Variants in SMYD3 observed in about 807,000 individuals in gnomAD.
The protein encoded by SMYD3 is SET and MYND domain containing 3, also known as histone-lysine N-methyltransferase SMYD3.
In SMYD3, 36 loss-of-function variants were observed where a neutral mutation model predicts 57.7. The ratio of observed to expected loss-of-function variants is 0.62; its 90% confidence interval spans 0.48 to 0.82. SMYD3 has a LOEUF of 0.82. Among genes scored for constraint, SMYD3 ranks in the 40% least tolerant of loss-of-function variants. The pLI is 0.00. For synonymous variants in SMYD3, 211 were observed against 195.0 expected (o/e 1.08, Z -0.68); for missense variants, 515 against 538.8 (o/e 0.96, Z 0.44).
chr1:246,208,597 C>T (rs898423269), intron 5 of SMYD3, among the ~76,000 whole-genome samples: 16 of 152,250 alleles, frequency 1.1e-4, no homozygotes, highest in East Asian at 3.9e-4. Flanking sequence ...TTAGGGCTAA[C>T]GGAAGCTACA....
At chr1:245,839,013 C>A (rs2050249915) in intron 10 of SMYD3, among the ~76,000 whole-genome samples, 1 of 152,150 alleles carries the variant, frequency 6.6e-6, no homozygotes, top group Non-Finnish European at 1.5e-5. Context: ...GCAGCACTAG[C>A]CCCTCTCAGG....
intron 5 of SMYD3, among the ~76,000 whole-genome samples, chr1:246,139,450 C>T (rs941290450): frequency 6.6e-6 from 1 of 152,154 alleles, no homozygotes; most frequent in Non-Finnish European, 1.5e-5. Context: ...AACACACTTT[C>T]ATTTCTCAAC....
At chr1:246,166,445 C>T (rs995429016) in intron 5 of SMYD3, among the ~76,000 whole-genome samples, 5 of 152,214 alleles carry the variant, frequency 3.3e-5, no homozygotes, top group Admixed American at 3.3e-4. Context: ...ACACCCTACT[C>T]ACTGTGTGAA....
chr1:245,994,246 C>T (rs1242000477), intron 5 of SMYD3, among the ~76,000 whole-genome samples: 1 of 152,204 alleles, frequency 6.6e-6, no homozygotes, highest in Admixed American at 6.5e-5. Flanking sequence ...ACACGAGGTG[C>T]TTCATAGCAT....
chr1:245,927,580 A>G (rs923761330), intron 7 of SMYD3, among the ~76,000 whole-genome samples: 2 of 152,142 alleles, frequency 1.3e-5, no homozygotes, highest in African/African-American at 4.8e-5. Context: ...CCACGGAAGG[A>G]TATGAGAGGC....
At chr1:245,865,860 G>T (rs1260693237) in intron 8 of SMYD3, among the ~76,000 whole-genome samples, 1 of 152,218 alleles carries the variant, frequency 6.6e-6, no homozygotes, top group African/African-American at 2.4e-5. Context: ...CTGCTTTCAG[G>T]TGGCTAGTCA....
At chr1:246,177,987 T>G in intron 5 of SMYD3, among the ~76,000 whole-genome samples, 1 of 152,328 alleles carries the variant, frequency 6.6e-6, no homozygotes, top group Middle Eastern at 3.4e-3. Flanking sequence ...GTGATGTTTA[T>G]AAAAATGGCA....
chr1:246,112,999 GT>G (rs1490463575), intron 5 of SMYD3, among the ~76,000 whole-genome samples: 1 of 152,016 alleles, frequency 6.6e-6, no homozygotes, highest in East Asian at 1.9e-4. Flanking sequence ...GGCCAACATG[GT>G]GAAACCCCAA....
chr1:246,263,678 AT>A (rs1462852403), intron 5 of SMYD3, among the ~76,000 whole-genome samples: 2 of 152,182 alleles, frequency 1.3e-5, no homozygotes, highest in Non-Finnish European at 2.9e-5. Flanking sequence ...AAAATTACTG[AT>A]TTCTTTTTGT....
At chr1:246,464,385 C>T (rs1291210439) in intron 1 of SMYD3, among the ~76,000 whole-genome samples, 1 of 152,070 alleles carries the variant, frequency 6.6e-6, no homozygotes, top group African/African-American at 2.4e-5. Flanking sequence ...GGAGTGGTGG[C>T]ATGTGCCTAT....
At chr1:246,224,066 GGTTCT>G (rs1474802785) in intron 5 of SMYD3, among the ~76,000 whole-genome samples, 1 of 152,004 alleles carries the variant, frequency 6.6e-6, no homozygotes, top group African/African-American at 2.4e-5. Flanking sequence ...TTTCTTTGGG[GGTTCT>G]GTTTTATCTT....
rs2064903427 is a variant in SMYD3, at chr1:246,302,284, G to A, written c.531+24917C>T. ...ACTCACAGAAGGAAAGCCTAGCAAT[G>A]GGGGGAGACCAGACCCTAATAATGT... On this transcript the variant is annotated intron_variant, in intron 5 of 11. Transcript: ENST00000490107. 2.6e-5 allele frequency among the ~76,000 whole-genome samples: 4 copies of A among 152,226 alleles called. No homozygotes were observed. In the South Asian group the frequency reaches 6.2e-4, roughly 24 times the overall value.
At chr1:246,328,705 T>A (rs1558404668) in intron 4 of SMYD3, among the ~76,000 whole-genome samples, 1 of 151,762 alleles carries the variant, frequency 6.6e-6, no homozygotes, top group Non-Finnish European at 1.5e-5. Context: ...TTATTATTAT[T>A]ATATTTTAAG....
intron 5 of SMYD3, among the ~76,000 whole-genome samples, chr1:246,304,261 C>G (rs923129600): frequency 5.9e-5 from 9 of 151,896 alleles, no homozygotes; most frequent in Non-Finnish European, 8.8e-5. Context: ...AGCACACGTA[C>G]AAAACAAATA....
intron 5 of SMYD3, among the ~76,000 whole-genome samples, chr1:246,161,916 T>A (rs1264431018): frequency 1.3e-5 from 2 of 152,134 alleles, no homozygotes; most frequent in Non-Finnish European, 2.9e-5. Flanking sequence ...CAGGCAATAG[T>A]GCATGTGTGT....
At chr1:246,233,096 G>A (rs1181887295) in intron 5 of SMYD3, among the ~76,000 whole-genome samples, 1 of 129,826 alleles carries the variant, frequency 7.7e-6, no homozygotes, top group Non-Finnish European at 1.6e-5. Flanking sequence ...CAGAGGAGAA[G>A]CACTCCTTCA....
intron 5 of SMYD3, among the ~76,000 whole-genome samples, chr1:245,934,288 C>T (rs918647747): frequency 1.4e-4 from 21 of 152,332 alleles, no homozygotes; most frequent in African/African-American, 5.1e-4. Flanking sequence ...AAACCAGAAG[C>T]AGAAGCTTTT....
At chr1:246,474,718 A>G (rs558864935) in intron 1 of SMYD3, among the ~76,000 whole-genome samples, 17 of 152,186 alleles carry the variant, frequency 1.1e-4, no homozygotes, top group African/African-American at 4.1e-4. Context: ...TCCAAGGTTT[A>G]TGGAAGGAAA....
chr1:246,479,881 G>T, intron 1 of SMYD3, among the ~76,000 whole-genome samples: 1 of 152,040 alleles, frequency 6.6e-6, no homozygotes, highest in African/African-American at 2.4e-5. Context: ...GGCACGTAAA[G>T]TCTCACATTA....
Sources: allele counts gnomAD v4.1 joint callset (sites outside exome capture counted in the v4.1 genomes callset), GRCh38; gene constraint gnomAD v4.1.1; transcripts MANE v1.5; gene names NCBI Gene and HGNC (gene_info 2026-07-23, HGNC 2026-07-21).